TNKS: variants seen among roughly 807,000 people sequenced by gnomAD.
TNKS encodes tankyrase, also known as poly [ADP-ribose] polymerase tankyrase-1.
Under a neutral mutation model 135.8 loss-of-function variants are expected in TNKS, and 72 were observed. The ratio of observed to expected loss-of-function variants is 0.53; its 90% CI spans 0.44 to 0.64. TNKS has a LOEUF of 0.64. Among genes scored for constraint, TNKS ranks in the 30% least tolerant of loss-of-function variants. TNKS has a pLI of 0.00. For missense variants in TNKS, 1,769 were observed against 1,674.0 expected (o/e 1.06, Z -0.99); for synonymous variants, 849 against 649.3 (o/e 1.31, Z -4.68).
intron 3 of TNKS, among the ~76,000 whole-genome samples, chr8:9,651,248 T>A (rs1463470290): frequency 6.6e-6 from 1 of 152,196 alleles, no homozygotes; most frequent in Admixed American, 6.5e-5. Flanking sequence ...GTTTTTTTAA[T>A]CTTTAATTGT....
chr8:9,697,406 C>G (rs75843270), intron 5 of TNKS, among the ~76,000 whole-genome samples: 1 of 152,200 alleles, frequency 6.6e-6, no homozygotes, highest in African/African-American at 2.4e-5. Context: ...GAATTTTTGG[C>G]TAAGTCTCCA....
intron 11 of TNKS, among the ~76,000 whole-genome samples, chr8:9,717,558 A>G (rs777974794): frequency 7.2e-5 from 11 of 152,260 alleles, no homozygotes; most frequent in Non-Finnish European, 1.2e-4. Context: ...AATATACAGA[A>G]CAGTATGTCA....
intron 3 of TNKS, among the ~76,000 whole-genome samples, chr8:9,677,032 G>T (rs1308577752): frequency 6.6e-6 from 1 of 152,172 alleles, no homozygotes; most frequent in Non-Finnish European, 1.5e-5. Flanking sequence ...GAGAACTGGT[G>T]CTTTGGCTGT....
chr8:9,681,239 A>G (rs1385821163), intron 5 of TNKS: 1 of 153,148 alleles, frequency 6.5e-6, no homozygotes, highest in Admixed American at 6.5e-5. Flanking sequence ...ATTGCTGTTA[A>G]TGATTTTTTT....
In TNKS at chr8:9,697,544, G is replaced by A. The variant is rs146648445; in HGVS notation, c.1108-7119G>A. 5.3e-5 allele frequency among the ~76,000 whole-genome samples: 8 copies of A among 152,172 alleles called. No individual in the cohort carries two copies. In the East Asian group the frequency reaches 1.5e-3, roughly 29 times the overall value. On this transcript the variant is annotated intron_variant, in intron 5 of 26. Coordinates refer to ENST00000310430, the MANE Select transcript of TNKS (RefSeq NM_003747.3). ...ATGGGAGAAAATACTCATAAACTAT[G>A]CATCTGACAAAGGTCTAATATCCAG... is the stretch of plus-strand genomic sequence containing the variant.
intron 3 of TNKS, among the ~76,000 whole-genome samples, chr8:9,629,477 A>G (rs1317682205): frequency 2.0e-5 from 3 of 152,130 alleles, no homozygotes; most frequent in Admixed American, 1.3e-4. Context: ...TCTGGCCCCT[A>G]TCTACCTGTC....
At chr8:9,766,550 G>C (rs550191174) in intron 25 of TNKS, 125 bp downstream of exon 25, 8 of 848,718 alleles carry the variant, frequency 9.4e-6, no homozygotes, top group Non-Finnish European at 1.3e-5. Context: ...GCGGTGGCAC[G>C]ATCCTGGCTC....
chr8:9,674,767 A>G lies in TNKS; in HGVS notation c.995-5184A>G, dbSNP rs183769129. On this transcript the variant is annotated intron_variant, in intron 3 of 26. Coordinates refer to ENST00000310430, the MANE Select transcript of TNKS (RefSeq NM_003747.3). ...AGCTAGTTTAAAAGGTCAAGGTTCC[A>G]GGAGACAAGGAAAGGGTCTCTACCA... Among the ~76,000 whole-genome samples the G allele has an allele frequency of 3.2e-4, 49 of 152,352 alleles. No individual in the cohort carries two copies. In the East Asian group the frequency reaches 9.0e-3, roughly 28 times the overall value.
At chr8:9,659,334 AG>A in intron 3 of TNKS, among the ~76,000 whole-genome samples, 1 of 152,348 alleles carries the variant, frequency 6.6e-6, no homozygotes, top group Middle Eastern at 3.4e-3. Context: ...CATAGTTGGA[AG>A]TAAAACACTC....
chr8:9,576,336 C>A (rs562456010), intron 1 of TNKS, among the ~76,000 whole-genome samples: 22 of 152,076 alleles, frequency 1.4e-4, no homozygotes, highest in Non-Finnish European at 2.8e-4. Flanking sequence ...CATAGTTCTG[C>A]AGGCTGTACA....
At chr8:9,660,224 C>G (rs1801629599) in intron 3 of TNKS, among the ~76,000 whole-genome samples, 1 of 152,230 alleles carries the variant, frequency 6.6e-6, no homozygotes, top group South Asian at 2.1e-4. Flanking sequence ...GGAATCCTCC[C>G]TAACTCATTT....
In TNKS at chr8:9,780,704, G is replaced by A. The variant is rs938503667; in HGVS notation, c.*3968G>A. The A allele has an allele frequency of 1.3e-5, 2 of 152,096 alleles. No homozygotes were observed. The highest frequency in any genetic ancestry group is 2.9e-5 in the Non-Finnish European group (2 of 68,016). The allele number at this position is 152,096 out of a possible 1,614,324, so 9.4% of individuals were successfully genotyped here. On this transcript the variant is annotated 3_prime_UTR_variant, in exon 27 of 27. Coordinates refer to ENST00000310430, the MANE Select transcript of TNKS (RefSeq NM_003747.3). ...ATATTTTAATAAATAAAACATTGTAGTCCCATTTCTTAGTGTTTGAAAGGT... is the reference window on the plus strand; with the variant it reads ...ATATTTTAATAAATAAAACATTGTAATCCCATTTCTTAGTGTTTGAAAGGT...
chr8:9,655,403 C>A (rs1801316606), intron 3 of TNKS, among the ~76,000 whole-genome samples: 1 of 152,180 alleles, frequency 6.6e-6, no homozygotes, highest in African/African-American at 2.4e-5. Context: ...AGTGGTTCTC[C>A]CAGCACGCAG....
intron 20 of TNKS, among the ~76,000 whole-genome samples, chr8:9,759,866 T>G (rs1402660759): frequency 6.6e-6 from 1 of 152,038 alleles, no homozygotes; most frequent in Non-Finnish European, 1.5e-5. Flanking sequence ...TCCCAGCGAC[T>G]TGAGAGGCTG....
intron 12 of TNKS, among the ~76,000 whole-genome samples, chr8:9,724,019 A>G (rs1805036174): frequency 6.6e-6 from 1 of 152,238 alleles, no homozygotes; most frequent in Non-Finnish European, 1.5e-5. Flanking sequence ...TCAAACTACT[A>G]AGTCTATAAA....
intron 2 of TNKS, among the ~76,000 whole-genome samples, chr8:9,603,423 G>T (rs1799097193): frequency 6.6e-6 from 1 of 152,196 alleles, no homozygotes; most frequent in Non-Finnish European, 1.5e-5. Context: ...TTTCAAGAAT[G>T]CGATACTCAC....
chr8:9,683,681 GT>G (rs541589619), intron 5 of TNKS, among the ~76,000 whole-genome samples: 5 of 150,144 alleles, frequency 3.3e-5, no homozygotes, highest in Non-Finnish European at 7.4e-5. Context: ...GAGACTTTAG[GT>G]TTTTTTTTAA....
intron 3 of TNKS, among the ~76,000 whole-genome samples, chr8:9,640,444 A>G (rs1585265144): frequency 6.9e-6 from 1 of 145,464 alleles, no homozygotes; most frequent in Admixed American, 7.2e-5. Flanking sequence ...CATATCATAA[A>G]GCTATACTAT....
intron 3 of TNKS, among the ~76,000 whole-genome samples, chr8:9,672,538 A>G (rs1331337672): frequency 1.3e-5 from 2 of 152,016 alleles, no homozygotes; most frequent in African/African-American, 2.4e-5. Flanking sequence ...GGCTGTAGAA[A>G]AAGGACCTGT....
Sources: allele counts gnomAD v4.1 joint callset (sites outside exome capture counted in the v4.1 genomes callset), GRCh38; gene constraint gnomAD v4.1.1; transcripts MANE v1.5; gene names NCBI Gene and HGNC (gene_info 2026-07-23, HGNC 2026-07-21).